EXOC6B: variants seen among roughly 807,000 people sequenced by gnomAD.
The protein encoded by EXOC6B is exocyst complex component 6B.
A neutral mutation model predicts 113.5 loss-of-function variants in EXOC6B; 54 were observed. That is an observed-to-expected ratio of 0.48 (90% CI 0.38 to 0.60). The LOEUF is 0.60. Among genes scored for constraint, EXOC6B ranks in the 20% least tolerant of loss-of-function variants. The pLI is 0.00. For synonymous variants in EXOC6B, 357 were observed against 339.0 expected (o/e 1.05, Z -0.58); for missense variants, 797 against 977.5 (o/e 0.82, Z 2.46).
intron 2 of EXOC6B, among the ~76,000 whole-genome samples, chr2:72,734,767 A>G (rs1680847523): frequency 6.6e-6 from 1 of 152,206 alleles, no homozygotes; most frequent in South Asian, 2.1e-4. Flanking sequence ...AAGGCTTTAC[A>G]AGCTGAAGCA....
At chr2:72,766,924 C>G (rs1036826789) in intron 1 of EXOC6B, among the ~76,000 whole-genome samples, 18 of 139,904 alleles carry the variant, frequency 1.3e-4, no homozygotes, top group Non-Finnish European at 2.3e-4. Flanking sequence ...TGCCCTCCAG[C>G]TTGGGTGACA....
chr2:72,553,129 G>C (rs997161343), intron 8 of EXOC6B, among the ~76,000 whole-genome samples: 1 of 152,014 alleles, frequency 6.6e-6, no homozygotes. Context: ...CAATAAAAGA[G>C]TTGAGCAAGG....
chr2:72,427,579 C>G (rs1317922629), intron 18 of EXOC6B, among the ~76,000 whole-genome samples: 1 of 152,210 alleles, frequency 6.6e-6, no homozygotes, highest in Non-Finnish European at 1.5e-5. Flanking sequence ...CCCCTCTGGA[C>G]TTTGAACACC....
At chr2:72,253,923 G>A (rs1190796602) in intron 20 of EXOC6B, among the ~76,000 whole-genome samples, 3 of 152,162 alleles carry the variant, frequency 2.0e-5, no homozygotes, top group Admixed American at 6.5e-5. Flanking sequence ...CACTTCGGGA[G>A]GCTGAGGCGG....
At chr2:72,617,471 T>C (rs1671460633) in intron 6 of EXOC6B, among the ~76,000 whole-genome samples, 2 of 152,012 alleles carry the variant, frequency 1.3e-5, no homozygotes, top group South Asian at 4.1e-4. Context: ...TTTTCATACT[T>C]TCTCTGAAAT....
At chr2:72,348,669 C>T (rs972762547) in intron 19 of EXOC6B, among the ~76,000 whole-genome samples, 5 of 152,120 alleles carry the variant, frequency 3.3e-5, no homozygotes, top group Non-Finnish European at 7.4e-5. Context: ...GCCTCAGTTT[C>T]CCCAGCCAAT....
At chr2:72,796,107 G>A (rs1684926926) in intron 1 of EXOC6B, among the ~76,000 whole-genome samples, 1 of 148,778 alleles carries the variant, frequency 6.7e-6, no homozygotes, top group African/African-American at 2.4e-5. Flanking sequence ...ACAGGCGTGA[G>A]CCACCAAGCC....
At position 72,492,379 on chromosome 2, in the gene EXOC6B, G is replaced by A. The variant is rs1699788455; in HGVS notation, c.1604C>T (p.Thr535Ile). The A allele has an allele frequency of 6.2e-7, 1 of 1,612,940 alleles. No homozygotes were observed. The highest frequency in any genetic ancestry group is 8.5e-7 in the Non-Finnish European group (1 of 1,179,160). Residue 535 changes from threonine to isoleucine, a missense_variant, in exon 16 of 22, where the codon ACC (threonine) becomes ATC (isoleucine). Physicochemically the swap from Thr to Ile is moderately conservative, Grantham distance 89. Coordinates refer to ENST00000272427, the MANE Select transcript of EXOC6B (RefSeq NM_015189.3). ...MIRKSTNLLL[T>I]RTLSNSLQNV... ...CTGCAGAGAGTTGCTCAGAGTCCTG[G>A]TTAGCAACAGGTTTGTTGATTTCCG... is the stretch of plus-strand genomic sequence containing the variant.
chr2:72,632,170 AC>A (rs1297519344), intron 6 of EXOC6B, among the ~76,000 whole-genome samples: 1 of 152,220 alleles, frequency 6.6e-6, no homozygotes, highest in Non-Finnish European at 1.5e-5. Context: ...AAATGAATAC[AC>A]AATTCACAAA....
intron 20 of EXOC6B, among the ~76,000 whole-genome samples, chr2:72,202,043 ATCT>A (rs1559010725): frequency 6.6e-6 from 1 of 152,288 alleles, no homozygotes; most frequent in South Asian, 2.1e-4. Context: ...GACAAGCTTA[ATCT>A]TCTAATTTCT....
intron 8 of EXOC6B, among the ~76,000 whole-genome samples, chr2:72,545,170 T>C (rs1317900297): frequency 6.6e-6 from 1 of 152,148 alleles, no homozygotes; most frequent in Non-Finnish European, 1.5e-5. Flanking sequence ...TCAATTTTAA[T>C]AAAAGCTAAA....
At chr2:72,402,603 C>T (rs756093205) in intron 18 of EXOC6B, among the ~76,000 whole-genome samples, 14 of 152,210 alleles carry the variant, frequency 9.2e-5, no homozygotes, top group Non-Finnish European at 1.6e-4. Context: ...TTTGAGGAAA[C>T]ATTTTGCCAG....
Position 72,825,678 on chromosome 2 carries a change from G to T in EXOC6B, c.113+120C>A. ...AGACCCGCCTCGCCCGGTATGCAGG[G>T]TCTCTCCGAAGGGAGGGGCCGGCGC... On this transcript the variant is annotated intron_variant, in intron 1 of 21. Coordinates refer to ENST00000272427, the MANE Select transcript of EXOC6B (RefSeq NM_015189.3). This position sits in a 1 kb window ranked among gnomAD's most constrained non-coding sequence, Gnocchi z 4.4. 12 of 1,237,766 alleles carry T rather than the reference G, an allele frequency of 9.7e-6. No individual in the cohort carries two copies. Among genetic ancestry groups the T allele is most frequent in the Non-Finnish European group, 1.3e-5 (12 of 937,814 alleles). The allele number at this position is 1,237,766 out of a possible 1,614,324, so 76.7% of individuals were successfully genotyped here.
chr2:72,793,448 G>A (rs1684787152), intron 1 of EXOC6B, among the ~76,000 whole-genome samples: 1 of 152,080 alleles, frequency 6.6e-6, no homozygotes, highest in African/African-American at 2.4e-5. Context: ...AATATAAAAC[G>A]CATAGAAAGG....
At chr2:72,567,870 G>A (rs1299735439) in intron 7 of EXOC6B, among the ~76,000 whole-genome samples, 1 of 152,028 alleles carries the variant, frequency 6.6e-6, no homozygotes, top group Non-Finnish European at 1.5e-5. Flanking sequence ...GAAGAATGCT[G>A]ACTCATAAAT....
chr2:72,528,949 T>A (rs1373858084), intron 8 of EXOC6B, among the ~76,000 whole-genome samples: 4 of 152,126 alleles, frequency 2.6e-5, no homozygotes, highest in Admixed American at 6.5e-5. Flanking sequence ...AGTACTGGAT[T>A]CTTGAGGATT....
chr2:72,694,513 A>C (rs1468065846), intron 6 of EXOC6B, among the ~76,000 whole-genome samples: 1 of 152,226 alleles, frequency 6.6e-6, no homozygotes, highest in Non-Finnish European at 1.5e-5. Context: ...ATCTAGTTTC[A>C]GAAGATAGAT....
intron 1 of EXOC6B, among the ~76,000 whole-genome samples, chr2:72,749,349 AG>A (rs1681897980): frequency 6.6e-6 from 1 of 152,094 alleles, no homozygotes; most frequent in African/African-American, 2.4e-5. Flanking sequence ...TGTTGGAGCT[AG>A]ATGAAATGAC....
chr2:72,421,387 C>T (rs1321892517), intron 18 of EXOC6B, among the ~76,000 whole-genome samples: 1 of 152,066 alleles, frequency 6.6e-6, no homozygotes, highest in Non-Finnish European at 1.5e-5. Flanking sequence ...TTCTCTTTAT[C>T]TTTTTAAAAT....
Sources: allele counts gnomAD v4.1 joint callset (sites outside exome capture counted in the v4.1 genomes callset), GRCh38; gene constraint gnomAD v4.1.1; non-coding constraint Gnocchi (gnomAD v3.1); transcripts MANE v1.5; gene names NCBI Gene and HGNC (gene_info 2026-07-23, HGNC 2026-07-21).